The following TENM1 variants were observed in gnomAD, a reference collection of about 807,000 sequenced individuals.
The protein encoded by TENM1 is teneurin-1.
Under a neutral mutation model 174.8 loss-of-function variants are expected in TENM1, and 35 were observed. The observed-to-expected ratio is 0.20, with a 90% CI of 0.15 to 0.27. TENM1 has a LOEUF of 0.27. Among genes scored for constraint, TENM1 ranks in the 10% least tolerant of loss-of-function variants. The pLI, the probability that TENM1 is intolerant of heterozygous loss-of-function variation, is 1.00. For missense variants in TENM1, 1,633 were observed against 2,130.1 expected, an observed-to-expected ratio of 0.77 and a Z score of 4.59; for synonymous variants, 781 against 798.7, an observed-to-expected ratio of 0.98 and a Z score of 0.37.
chrX:124,832,732 G>A (rs754178384), intron 3 of TENM1, among the ~76,000 whole-genome samples: 8 of 111,050 alleles, frequency 7.2e-5, no homozygotes, highest in South Asian at 3.9e-4. Flanking sequence ...TCATTACCAC[G>A]CTGGGCTAAT....
the TENM1 span, among the ~76,000 whole-genome samples, chrX:125,155,573 G>C: frequency 9.0e-6 from 1 of 111,486 alleles, no homozygotes; most frequent in South Asian, 3.8e-4. Flanking sequence ...AGGCGGGCGG[G>C]GGGAGGGAGG....
intron 1 of TENM1, among the ~76,000 whole-genome samples, chrX:124,958,246 T>C (rs981675605): frequency 3.6e-5 from 4 of 111,917 alleles, no homozygotes; most frequent in Admixed American, 9.5e-5. Context: ...ATACATGGAG[T>C]AGGGCACTGC....
chrX:124,614,093 C>T (rs1168950646), intron 11 of TENM1, among the ~76,000 whole-genome samples: 2 of 110,987 alleles, frequency 1.8e-5, no homozygotes, highest in South Asian at 3.9e-4. Flanking sequence ...GGGGTGGTGG[C>T]GTGGTATGTC....
At chrX:124,586,558 A>G (rs1242923017) in intron 11 of TENM1, among the ~76,000 whole-genome samples, 7 of 110,975 alleles carry the variant, frequency 6.3e-5, no homozygotes, top group African/African-American at 2.3e-4. Flanking sequence ...AGAGCTATCT[A>G]TGACAAACCC....
the TENM1 span, among the ~76,000 whole-genome samples, chrX:125,146,094 C>T: frequency 8.9e-6 from 1 of 111,796 alleles, no homozygotes; most frequent in Non-Finnish European, 1.9e-5. Context: ...TAATGTTCCC[C>T]ATGATTTTGC....
At chrX:124,993,217 G>A in the TENM1 span, among the ~76,000 whole-genome samples, 1 of 111,202 alleles carries the variant, frequency 9.0e-6, no homozygotes, top group African/African-American at 3.3e-5. Flanking sequence ...GAATATCTTT[G>A]GCTTTAAAGC....
At chrX:124,438,729 G>A (rs1027147449) in intron 23 of TENM1, among the ~76,000 whole-genome samples, 2 of 111,668 alleles carry the variant, frequency 1.8e-5, no homozygotes, top group Non-Finnish European at 3.8e-5. Context: ...ATATGCTGGA[G>A]CTGAGGATGT....
chrX:124,780,674 G>A (rs924703603), intron 3 of TENM1, among the ~76,000 whole-genome samples: 7 of 111,559 alleles, frequency 6.3e-5, no homozygotes, highest in African/African-American at 2.0e-4. Context: ...TGAAGTTGAA[G>A]AGAAGTGTAC....
upstream of TENM1, among the ~76,000 whole-genome samples, chrX:124,968,050 T>A (rs2058748047): frequency 8.9e-6 from 1 of 112,260 alleles, no homozygotes; most frequent in Non-Finnish European, 1.9e-5. Context: ...GAATATTAAA[T>A]ACTCAAAGTA....
chrX:124,748,035 G>T (rs1231912795), intron 3 of TENM1, among the ~76,000 whole-genome samples: 2 of 111,745 alleles, frequency 1.8e-5, no homozygotes, highest in Non-Finnish European at 3.8e-5. Context: ...AGAGTGAGCT[G>T]TCTCCCCCTC....
chrX:125,047,276 C>T, the TENM1 span, among the ~76,000 whole-genome samples: 6 of 111,571 alleles, frequency 5.4e-5, no homozygotes, highest in African/African-American at 1.3e-4. Context: ...TTATACAGTA[C>T]GAGCAATAAC....
At chrX:124,895,524 C>T (rs376010843) in intron 2 of TENM1, among the ~76,000 whole-genome samples, 2 of 111,638 alleles carry the variant, frequency 1.8e-5, no homozygotes, top group African/African-American at 3.2e-5. Flanking sequence ...GGTTAATTTG[C>T]GTTTGTACAT....
chrX:125,160,544 CAAAAAAAAAAAAAA>C, the TENM1 span, among the ~76,000 whole-genome samples: 1 of 28,999 alleles, frequency 3.4e-5, no homozygotes, highest in African/African-American at 1.9e-4. Context: ...GACCCCGTCT[CAAAAAAAAAAAAAA>C]AAAAAAAAAA....
intron 5 of TENM1, among the ~76,000 whole-genome samples, chrX:124,680,046 C>T (rs1418198047): frequency 9.0e-6 from 1 of 110,890 alleles, no homozygotes; most frequent in Non-Finnish European, 1.9e-5. Flanking sequence ...AAGAACTTCG[C>T]TAATTAAAAG....
the TENM1 span, among the ~76,000 whole-genome samples, chrX:125,149,472 A>G: frequency 3.6e-5 from 4 of 112,100 alleles, no homozygotes; most frequent in Non-Finnish European, 5.6e-5. Context: ...CATCTCATCC[A>G]TTTGCATCCC....
intron 3 of TENM1, among the ~76,000 whole-genome samples, chrX:124,888,404 T>C (rs948987478): frequency 1.8e-5 from 2 of 111,810 alleles, no homozygotes; most frequent in Non-Finnish European, 3.8e-5. Context: ...CTTAAAGGGT[T>C]ACTACAATGA....
Position 124,854,204 on chromosome X carries a change from AC to A in TENM1, c.535+40091del, listed in dbSNP as rs201603830. 7.1e-3 allele frequency among the ~76,000 whole-genome samples: 797 copies of A among 111,825 alleles called. 7 individuals carry two copies. The highest frequency in any genetic ancestry group is 0.024 in the African/African-American group (739 of 30,820). On this transcript the variant is annotated intron_variant, in intron 3 of 31. Transcript: ENST00000422452. Reference sequence around the variant, plus strand: ...ATGGAAAGAAATAATGGTATTTGCAACAACTTGGATGGAGTTGGAGACCATT... The same window carrying A: ...ATGGAAAGAAATAATGGTATTTGCAAAACTTGGATGGAGTTGGAGACCATT...
chrX:125,035,361 G>A, the TENM1 span, among the ~76,000 whole-genome samples: 1 of 111,805 alleles, frequency 8.9e-6, no homozygotes, highest in African/African-American at 3.2e-5. Flanking sequence ...AGTAAATACA[G>A]CAGATCATTG....
chrX:124,959,993 T>C (rs1603293303), intron 1 of TENM1, among the ~76,000 whole-genome samples: 1 of 112,121 alleles, frequency 8.9e-6, no homozygotes, highest in South Asian at 3.7e-4. Flanking sequence ...GCAATCAATC[T>C]TCTACACTGC....
Sources: allele counts gnomAD v4.1 joint callset (sites outside exome capture counted in the v4.1 genomes callset), GRCh38; gene constraint gnomAD v4.1.1; transcripts MANE v1.5; gene names NCBI Gene and HGNC (gene_info 2026-07-23, HGNC 2026-07-21).